Variants in RAPGEF2 observed in about 807,000 individuals in gnomAD.
RAPGEF2 encodes Rap guanine nucleotide exchange factor 2, also known as PDZ domain containing guanine nucleotide exchange factor (GEF) 1.
In RAPGEF2, 54 loss-of-function variants were observed where a neutral mutation model predicts 186.7. That is an observed-to-expected ratio of 0.29 (90% confidence interval 0.23 to 0.36). The LOEUF (loss-of-function observed/expected upper bound fraction) is 0.36. RAPGEF2 is among the 10% of genes least tolerant of loss of function. The probability of loss-of-function intolerance (pLI) is 1.00; values close to 1 mark genes in which losing one functional copy is unlikely to be tolerated. For synonymous variants in RAPGEF2, 712 were observed against 705.9 expected, an observed-to-expected ratio of 1.01 and a Z score of -0.14; for missense variants, 1,532 against 2,045.0, an observed-to-expected ratio of 0.75 and a Z score of 4.84.
chr4:159,269,586 T>C (rs751176106), intron 7 of RAPGEF2, among the ~76,000 whole-genome samples: 7 of 152,202 alleles, frequency 4.6e-5, no homozygotes, highest in South Asian at 2.1e-4. Context: ...TCAGCTATGC[T>C]TGAGGAACCT....
At chr4:159,123,429 T>G (rs1466320903) in intron 1 of RAPGEF2, among the ~76,000 whole-genome samples, 1 of 152,214 alleles carries the variant, frequency 6.6e-6, no homozygotes, top group Non-Finnish European at 1.5e-5. Context: ...AAATTTGTGT[T>G]TCACTGGCTT....
At chr4:159,264,911 G>A (rs1480510503) in intron 7 of RAPGEF2, among the ~76,000 whole-genome samples, 2 of 152,074 alleles carry the variant, frequency 1.3e-5, no homozygotes, top group East Asian at 1.9e-4. Flanking sequence ...TTTATCCATG[G>A]TGTAGCATGT....
At chr4:159,209,323 T>A (rs1750289697) in intron 3 of RAPGEF2, among the ~76,000 whole-genome samples, 1 of 152,120 alleles carries the variant, frequency 6.6e-6, no homozygotes, top group Non-Finnish European at 1.5e-5. Flanking sequence ...GATGGTCTTA[T>A]ATGAAAAACA....
At chr4:159,201,170 C>CT (rs1190559863) in intron 3 of RAPGEF2, among the ~76,000 whole-genome samples, 1 of 152,096 alleles carries the variant, frequency 6.6e-6, no homozygotes, top group Non-Finnish European at 1.5e-5. Flanking sequence ...ATAATGAAAA[C>CT]TTTGTCTATC....
chr4:159,201,600 T>C (rs1749421088), intron 3 of RAPGEF2, among the ~76,000 whole-genome samples: 2 of 152,060 alleles, frequency 1.3e-5, no homozygotes. Flanking sequence ...CAGAAGTCTG[T>C]AATAACAGCA....
At chr4:159,284,098 C>CT (rs1490113398) in intron 7 of RAPGEF2, among the ~76,000 whole-genome samples, 4 of 152,168 alleles carry the variant, frequency 2.6e-5, no homozygotes, top group Non-Finnish European at 4.4e-5. Context: ...GCTGAAGTTT[C>CT]TTTATTGAAA....
intron 7 of RAPGEF2, among the ~76,000 whole-genome samples, chr4:159,280,645 C>T (rs1472784870): frequency 1.3e-5 from 2 of 152,132 alleles, no homozygotes; most frequent in East Asian, 1.9e-4. Context: ...AAGATATTGT[C>T]GTCAAGTTTG....
intron 7 of RAPGEF2, among the ~76,000 whole-genome samples, chr4:159,300,048 A>G (rs977603224): frequency 5.3e-5 from 8 of 151,990 alleles, no homozygotes; most frequent in Admixed American, 5.2e-4. Context: ...TCAATAAATG[A>G]TGGATGAATG....
intron 15 of RAPGEF2, 22 bp from the exon 16 acceptor site, chr4:159,331,903 AC>A (rs759968315): frequency 3.1e-6 from 5 of 1,590,366 alleles, no homozygotes; most frequent in Middle Eastern, 1.7e-4. Flanking sequence ...CAATTTTGAT[AC>A]ATTTTATAAT....
At chr4:159,335,458 C>T (rs1767269745) in intron 17 of RAPGEF2, among the ~76,000 whole-genome samples, 1 of 152,036 alleles carries the variant, frequency 6.6e-6, no homozygotes, top group Non-Finnish European at 1.5e-5. Context: ...CAAGAGTGGC[C>T]GCATGTCTGG....
rs190788553 is a variant in RAPGEF2, at chr4:159,323,383, T to A, written c.991-76T>A. 4.5e-5 allele frequency: 55 copies of A among 1,231,310 alleles called. No homozygotes were observed. The East Asian group carries it at 1.3e-3, about 29-fold the overall frequency. 76.3% of individuals were successfully genotyped at this position (1,231,310 alleles called of 1,614,324 possible). On this transcript the variant is annotated intron_variant, in intron 10 of 29. Transcript: ENST00000691494. ...AAATGGAAGATCTGCTAATTCATTT[T>A]TAGGGACCATACTGGCACTTACAGC... is the stretch of plus-strand genomic sequence containing the variant.
intron 1 of RAPGEF2, among the ~76,000 whole-genome samples, chr4:159,126,727 C>T (rs1483458152): frequency 6.6e-6 from 1 of 152,106 alleles, no homozygotes; most frequent in African/African-American, 2.4e-5. Context: ...ATTTCAGTTT[C>T]CCTTCATTTT....
At chr4:159,198,413 CCTCT>C (rs70962662) in intron 3 of RAPGEF2, among the ~76,000 whole-genome samples, 1,420 of 111,350 alleles carry the variant, frequency 0.013, 84 homozygotes, top group South Asian at 0.055. Context: ...TTCCTCTCTT[CCTCT>C]CTCTCTCTCT....
At chr4:159,300,566 T>C (rs940183826) in intron 7 of RAPGEF2, among the ~76,000 whole-genome samples, 1 of 152,190 alleles carries the variant, frequency 6.6e-6, no homozygotes, top group Non-Finnish European at 1.5e-5. Context: ...TGTGTTACTT[T>C]TTCATTTAAT....
At chr4:159,193,633 A>G (rs748021172) in intron 3 of RAPGEF2, among the ~76,000 whole-genome samples, 3 of 152,250 alleles carry the variant, frequency 2.0e-5, no homozygotes, top group Non-Finnish European at 4.4e-5. Context: ...TTTAGTTTAT[A>G]GTTCTTTCAG....
At chr4:159,237,843 A>T (rs1040600632) in intron 4 of RAPGEF2, among the ~76,000 whole-genome samples, 52 of 21,082 alleles carry the variant, frequency 2.5e-3, no homozygotes, top group East Asian at 7.7e-3. Context: ...TACAAAAATT[A>T]AAAAAAAAAA....
intron 1 of RAPGEF2, among the ~76,000 whole-genome samples, chr4:159,118,193 G>A (rs1048997104): frequency 1.3e-5 from 2 of 152,154 alleles, no homozygotes; most frequent in Admixed American, 6.5e-5. Context: ...CATCACTGGC[G>A]TTACTGCCTG....
intron 18 of RAPGEF2, 138 bp downstream of exon 18, chr4:159,338,606 G>A (rs898785531): frequency 1.1e-5 from 11 of 958,558 alleles, no homozygotes; most frequent in South Asian, 2.2e-5. Context: ...TAAACTTTAA[G>A]ATTTTTGAAA....
chr4:159,120,590 G>C (rs898580387), intron 1 of RAPGEF2, among the ~76,000 whole-genome samples: 3 of 152,084 alleles, frequency 2.0e-5, no homozygotes, highest in African/African-American at 7.2e-5. Flanking sequence ...GTTTTGTAGT[G>C]GGATCAGTTA....
Sources: allele counts gnomAD v4.1 joint callset (sites outside exome capture counted in the v4.1 genomes callset), GRCh38; gene constraint gnomAD v4.1.1; transcripts MANE v1.5; gene names NCBI Gene and HGNC (gene_info 2026-07-23, HGNC 2026-07-21).